The following DMD variants were observed in gnomAD, a reference collection of about 807,000 sequenced individuals.
The protein encoded by DMD is mutant dystrophin.
Under a neutral mutation model 330.1 loss-of-function variants are expected in DMD, and 63 were observed. The observed-to-expected ratio is 0.19, with a 90% CI of 0.16 to 0.24. The LOEUF (loss-of-function observed/expected upper bound fraction) is 0.24, where lower values mean the gene tolerates loss of function less well. DMD is among the 10% of genes least tolerant of loss of function. The probability of loss-of-function intolerance (pLI) is 1.00; values close to 1 mark genes in which losing one functional copy is unlikely to be tolerated. For missense variants in DMD, 3,344 were observed against 2,684.1 expected (o/e 1.25, Z -5.43); for synonymous variants, 1,223 against 959.8 (o/e 1.27, Z -5.07).
intron 55 of DMD, among the ~76,000 whole-genome samples, chrX:31,600,802 G>GTT (rs530394628): frequency 2.8e-4 from 27 of 97,564 alleles, no homozygotes; most frequent in African/African-American, 4.8e-4. Context: ...TCTGCATGAT[G>GTT]TTTTTTTTTT....
At chrX:31,123,994 G>A (rs893116042) in intron 78 of DMD, among the ~76,000 whole-genome samples, 12 of 111,749 alleles carry the variant, frequency 1.1e-4, no homozygotes, top group African/African-American at 3.9e-4. Flanking sequence ...TCCTTGAAAT[G>A]GTGTTCAGTT....
At chrX:31,588,872 G>GTT (rs58845554) in intron 55 of DMD, among the ~76,000 whole-genome samples, 4,064 of 77,491 alleles carry the variant, frequency 0.052, 216 homozygotes, top group African/African-American at 0.14. Flanking sequence ...CAAAGTCTAT[G>GTT]TTTTTTTTTT....
At position 33,070,673 on chromosome X, in the gene DMD, CTATATATATA is replaced by C. The variant is rs59422325; in HGVS notation, c.32-50483_32-50474del. On this transcript the variant is annotated intron_variant, in intron 1 of 78. Coordinates refer to ENST00000357033, the MANE Select transcript of DMD (RefSeq NM_004006.3). ...TCTCTCTCTCTCTCTCTCTCTCTCT[CTATATATATA>C]TATATATATATATATATATATATAT... 8.7e-3 allele frequency among the ~76,000 whole-genome samples: 310 copies of C among 35,629 alleles called. 5 individuals carry two copies. Among genetic ancestry groups the C allele is most frequent in the Middle Eastern group, 0.029 (1 of 34 alleles). 30.9% of individuals were successfully genotyped at this position (35,629 alleles called of 115,157 possible).
At chrX:32,570,899 T>C (rs1222820885) in intron 15 of DMD, among the ~76,000 whole-genome samples, 1 of 111,943 alleles carries the variant, frequency 8.9e-6, no homozygotes, top group Non-Finnish European at 1.9e-5. Context: ...TGCAGGAACT[T>C]TGACTAGATA....
intron 50 of DMD, among the ~76,000 whole-genome samples, chrX:31,775,188 G>A (rs763846998): frequency 1.7e-4 from 19 of 110,205 alleles, no homozygotes; most frequent in Non-Finnish European, 2.8e-4. Context: ...AGTAGTACAA[G>A]CAATACACGT....
intron 44 of DMD, among the ~76,000 whole-genome samples, chrX:31,982,457 T>C (rs780246919): frequency 9.0e-6 from 1 of 111,157 alleles, no homozygotes. Flanking sequence ...CAGGAGGGAG[T>C]CTTCCGAAAA....
Position 32,573,618 on chromosome X carries a change from A to G in DMD, c.1724T>C (p.Leu575Pro), listed in dbSNP as rs370644567. The part of the protein sequence containing the change: ...TEEQCLFSAW[L>P]SEKEDAVNKI... ...GTTCACTGCATCTTCTTTTTCTGAA[A>G]GCCATGCACTAAAAAGGCACTGCAA... is the stretch of plus-strand genomic sequence containing the variant. Residue 575 changes from leucine (L) to proline (P), a missense_variant, in exon 15 of 79, where the codon CTT becomes CCT. Coordinates refer to ENST00000357033, the MANE Select transcript of DMD (RefSeq NM_004006.3). 21 of 1,209,011 alleles carry G rather than the reference A, an allele frequency of 1.7e-5. No homozygotes were observed. Among genetic ancestry groups the G allele is most frequent in the Admixed American group, 2.2e-5 (1 of 45,715 alleles).
chrX:31,869,161 A>T (rs1048452141), intron 48 of DMD, among the ~76,000 whole-genome samples: 1 of 111,561 alleles, frequency 9.0e-6, no homozygotes, highest in Non-Finnish European at 1.9e-5. Context: ...TCAGCTTGTG[A>T]TTCTTCATGA....
intron 60 of DMD, among the ~76,000 whole-genome samples, chrX:31,390,958 C>G (rs752461067): frequency 1.4e-3 from 156 of 111,498 alleles, no homozygotes; most frequent in African/African-American, 4.9e-3. Context: ...TACTTGCCTC[C>G]TTTTAGGTCA....
intron 47 of DMD, among the ~76,000 whole-genome samples, chrX:31,926,847 T>C (rs1023036652): frequency 9.0e-6 from 1 of 111,342 alleles, no homozygotes; most frequent in Admixed American, 9.6e-5. Flanking sequence ...GACATATTCA[T>C]GTCACAGTAA....
intron 13 of DMD, among the ~76,000 whole-genome samples, chrX:32,592,873 T>C (rs1446076408): frequency 8.9e-6 from 1 of 112,524 alleles, no homozygotes. Context: ...CAGACATTGG[T>C]GCCTGCAGCA....
chrX:33,098,299 T>C (rs1238735326), intron 1 of DMD, among the ~76,000 whole-genome samples: 1 of 111,990 alleles, frequency 8.9e-6, no homozygotes, highest in Non-Finnish European at 1.9e-5. Context: ...ACAATGCCAT[T>C]AAAATTGTTG....
chrX:31,128,527 G>A (rs997357818), intron 77 of DMD, among the ~76,000 whole-genome samples: 9 of 112,288 alleles, frequency 8.0e-5, no homozygotes, highest in African/African-American at 2.6e-4. Context: ...AGAAAGCCAT[G>A]TGATTTAGAA....
intron 7 of DMD, among the ~76,000 whole-genome samples, chrX:32,700,829 A>T (rs1378342027): frequency 4.5e-5 from 5 of 111,702 alleles, no homozygotes; most frequent in Non-Finnish European, 9.4e-5. Flanking sequence ...CAGTATGTAT[A>T]TTCTGATCAG....
At chrX:32,608,018 A>C (rs1481681986) in intron 12 of DMD, among the ~76,000 whole-genome samples, 2 of 109,836 alleles carry the variant, frequency 1.8e-5, no homozygotes, top group Admixed American at 2.0e-4. Context: ...AGTGCCTCTA[A>C]GATGACAGAG....
intron 44 of DMD, among the ~76,000 whole-genome samples, chrX:32,004,449 T>C (rs2095647997): frequency 9.0e-6 from 1 of 111,721 alleles, no homozygotes; most frequent in South Asian, 3.7e-4. Flanking sequence ...AAGCAAACTT[T>C]CAGCCACAAG....
In DMD at chrX:31,696,946, T is replaced by C. The variant is rs150974135; in HGVS notation, c.7661-17360A>G. On this transcript the variant is annotated intron_variant, in intron 52 of 78. Coordinates refer to ENST00000357033, the MANE Select transcript of DMD (RefSeq NM_004006.3). ...AAAGCAGTACAATTGATTGTTATAG[T>C]AGTCCCAAGAGTAGACCCTGCAGAA... 3.6e-4 allele frequency among the ~76,000 whole-genome samples: 40 copies of C among 112,397 alleles called. No individual in the cohort carries two copies. In the East Asian group the frequency reaches 0.01, roughly 28 times the overall value.
chrX:32,477,601 T>C (rs1228739473), intron 21 of DMD, among the ~76,000 whole-genome samples: 1 of 110,274 alleles, frequency 9.1e-6, no homozygotes, highest in East Asian at 2.9e-4. Flanking sequence ...TACACATGAG[T>C]CTATGTCAAG....
intron 1 of DMD, among the ~76,000 whole-genome samples, chrX:33,251,396 G>C (rs756811227): frequency 2.7e-5 from 3 of 111,370 alleles, no homozygotes; most frequent in African/African-American, 6.5e-5. Flanking sequence ...CGGGTATCAA[G>C]GGAGACTGTG....
Sources: allele counts gnomAD v4.1 joint callset (sites outside exome capture counted in the v4.1 genomes callset), GRCh38; gene constraint gnomAD v4.1.1; transcripts MANE v1.5; gene names NCBI Gene and HGNC (gene_info 2026-07-23, HGNC 2026-07-21).